The following PPIL3 variants were observed in gnomAD, a reference collection of about 807,000 sequenced individuals.
The protein encoded by PPIL3 is peptidyl-prolyl cis-trans isomerase-like 3.
Under a neutral mutation model 20.9 loss-of-function variants are expected in PPIL3, and 13 were observed. The observed-to-expected ratio is 0.62, with a 90% CI of 0.40 to 0.99. The LOEUF (loss-of-function observed/expected upper bound fraction) is 0.99, where lower values mean the gene tolerates loss of function less well. PPIL3 is among the 50% of genes least tolerant of loss of function. The probability of loss-of-function intolerance (pLI) is 0.00; values close to 1 mark genes in which losing one functional copy is unlikely to be tolerated. For missense variants in PPIL3, 170 were observed against 195.2 expected (o/e 0.87, Z 0.77); for synonymous variants, 71 against 64.4 (o/e 1.10, Z -0.49).
At chr2:200,887,294 G>A (rs965670128) in intron 2 of PPIL3, among the ~76,000 whole-genome samples, 1 of 149,500 alleles carries the variant, frequency 6.7e-6, no homozygotes, top group African/African-American at 2.5e-5. Flanking sequence ...GCTAAGGCAG[G>A]AGAATCGCTT....
At chr2:200,881,329 G>A in intron 5 of PPIL3, 92 bp downstream of exon 5, 1 of 910,948 alleles carries the variant, frequency 1.1e-6, no homozygotes, top group South Asian at 1.6e-5. Context: ...ATTTTGCAAT[G>A]ATGTTAACTT....
intron 3 of PPIL3, chr2:200,885,357 C>T (rs1327224685): frequency 1.7e-5 from 6 of 353,356 alleles, no homozygotes; most frequent in South Asian, 1.5e-4. Flanking sequence ...GGGGACACAG[C>T]GAGACTCCAT....
At position 200,871,022 on chromosome 2, in the gene PPIL3, T is replaced by C. The variant is rs2039287815; in HGVS notation, c.*373A>G. 6.3e-6 allele frequency: 1 copy of C among 157,542 alleles called. No individual in the cohort carries two copies. The highest frequency in any genetic ancestry group is 1.9e-4 in the South Asian group (1 of 5,250). 9.8% of individuals were successfully genotyped at this position (157,542 alleles called of 1,614,324 possible). On this transcript the variant is annotated 3_prime_UTR_variant, in exon 7 of 7. Coordinates refer to ENST00000392283, the MANE Select transcript of PPIL3 (RefSeq NM_130906.3). ...CCTACGATTTAATTCTTTAAAACTTTTTAAATTTTATTATAAAATAACACT... is the reference window on the plus strand; with the variant it reads ...CCTACGATTTAATTCTTTAAAACTTCTTAAATTTTATTATAAAATAACACT...
intron 5 of PPIL3, among the ~76,000 whole-genome samples, chr2:200,881,060 A>C (rs1387671863): frequency 6.6e-6 from 1 of 152,164 alleles, no homozygotes; most frequent in Non-Finnish European, 1.5e-5. Context: ...GCAACCAGGA[A>C]GTTTGATAGT....
chr2:200,874,014 G>T (rs769619745), intron 6 of PPIL3, among the ~76,000 whole-genome samples: 1 of 151,196 alleles, frequency 6.6e-6, no homozygotes, highest in African/African-American at 2.4e-5. Flanking sequence ...GACCATCCTG[G>T]CTAACATGGT....
intron 6 of PPIL3, among the ~76,000 whole-genome samples, chr2:200,873,985 C>G (rs2039411474): frequency 6.6e-6 from 1 of 151,484 alleles, no homozygotes; most frequent in African/African-American, 2.4e-5. Context: ...GCGGGCGGAT[C>G]ACGAGGTCGG....
chr2:200,874,192 G>C (rs1319049454), intron 6 of PPIL3, among the ~76,000 whole-genome samples: 2 of 137,940 alleles, frequency 1.4e-5, no homozygotes, highest in African/African-American at 2.8e-5. Flanking sequence ...GCGACAGAGT[G>C]AGACTCTGTC....
rs150825161 is a variant in PPIL3, at chr2:200,871,345, A to G, written c.*50T>C. 3.9e-3 allele frequency: 6,115 copies of G among 1,555,006 alleles called. 293 individuals carry two copies. The Admixed American group carries it at 0.093, about 24-fold the overall frequency. On this transcript the variant is annotated 3_prime_UTR_variant, in exon 7 of 7. Coordinates refer to ENST00000392283, the MANE Select transcript of PPIL3 (RefSeq NM_130906.3). The stretch of plus-strand genomic sequence containing the variant: ...CATAATTAAAACCGGGTAAACCACA[A>G]TAAGTGTGTTCCAGCAATTTGTCAA...
At chr2:200,880,271 A>G (rs2039675412) in intron 5 of PPIL3, among the ~76,000 whole-genome samples, 1 of 152,194 alleles carries the variant, frequency 6.6e-6, no homozygotes, top group Admixed American at 6.5e-5. Context: ...AAAAAAAGCA[A>G]AAAGAAAAGA....
At chr2:200,877,099 G>C in intron 5 of PPIL3, 62 bp from the exon 6 acceptor site, 3 of 1,087,692 alleles carry the variant, frequency 2.8e-6, no homozygotes, top group East Asian at 2.4e-5. Flanking sequence ...ATATAGTATT[G>C]AAACAAGACA....
intron 6 of PPIL3, among the ~76,000 whole-genome samples, chr2:200,873,249 A>G (rs1226859010): frequency 2.7e-5 from 4 of 148,598 alleles, no homozygotes; most frequent in Non-Finnish European, 4.4e-5. Context: ...GTTGGAGTGC[A>G]GTAGCACTAT....
Position 200,883,110 on chromosome 2 carries a change from T to C in PPIL3, c.79-675A>G, listed in dbSNP as rs544360368. 1.3e-4 allele frequency among the ~76,000 whole-genome samples: 19 copies of C among 145,846 alleles called. No homozygotes were observed. The East Asian group carries it at 3.8e-3, about 29-fold the overall frequency. On this transcript the variant is annotated intron_variant, in intron 3 of 6. Coordinates refer to ENST00000392283, the MANE Select transcript of PPIL3 (RefSeq NM_130906.3). ...ACCTGAGATTTCTATATCTGGAATG[T>C]TCTTTTTTTTTTTTTTTTTTTTTTG...
chr2:200,874,203 TCAA>T (rs2039429540), intron 6 of PPIL3, among the ~76,000 whole-genome samples: 1 of 107,922 alleles, frequency 9.3e-6, no homozygotes, highest in African/African-American at 3.9e-5. Flanking sequence ...AGACTCTGTC[TCAA>T]AAAAAAAAAA....
chr2:200,888,668 GGC>G (rs2040069331), intron 1 of PPIL3: 2 of 265,756 alleles, frequency 7.5e-6, no homozygotes, highest in Non-Finnish European at 7.6e-6. Flanking sequence ...TGGGACTACA[GGC>G]GCGCGCTACC....
In PPIL3 at chr2:200,879,080, T is replaced by C. The variant is rs1001894617; in HGVS notation, c.241-2043A>G. The stretch of plus-strand genomic sequence containing the variant: ...TGGGCCAGAATATATGAAGAGTCAA[T>C]ACATATCCACAATCTTGGTGTATAA... On this transcript the variant is annotated intron_variant, in intron 5 of 6. Coordinates refer to ENST00000392283, the MANE Select transcript of PPIL3 (RefSeq NM_130906.3). Among the ~76,000 whole-genome samples the C allele has an allele frequency of 3.3e-5, 5 of 152,224 alleles. No individual in the cohort carries two copies. In the South Asian group the frequency reaches 1.0e-3, roughly 32 times the overall value.
rs2039293645 is a variant in PPIL3 at position 200,871,256 on chromosome 2, T to A, written c.*139A>T. 1 of 850,274 alleles carries A rather than the reference T, an allele frequency of 1.2e-6. No homozygotes were observed. The highest frequency in any genetic ancestry group is 1.7e-6 in the Non-Finnish European group (1 of 577,254). 52.7% of individuals were successfully genotyped at this position (850,274 alleles called of 1,614,324 possible). On this transcript the variant is annotated 3_prime_UTR_variant, in exon 7 of 7. Coordinates refer to ENST00000392283, the MANE Select transcript of PPIL3 (RefSeq NM_130906.3). ...GGGGATAAAAGCTGTTGGGCGCCCC[T>A]TGGTACCACCATTTCATAGAAGATC...
chr2:200,878,937 C>T (rs1432356664), intron 5 of PPIL3, among the ~76,000 whole-genome samples: 1 of 152,102 alleles, frequency 6.6e-6, no homozygotes, highest in Non-Finnish European at 1.5e-5. Flanking sequence ...AATCAGTGGA[C>T]ATTTGGGTTG....
At chr2:200,872,387 G>A (rs1008052818) in intron 6 of PPIL3, among the ~76,000 whole-genome samples, 9 of 151,998 alleles carry the variant, frequency 5.9e-5, no homozygotes, top group Admixed American at 3.9e-4. Context: ...CTCAAACCCT[G>A]TTTAGGGTTT....
chr2:200,881,632 T>C, intron 4 of PPIL3, 144 bp from the exon 5 acceptor site: 1 of 614,662 alleles, frequency 1.6e-6, no homozygotes, highest in Non-Finnish European at 2.7e-6. Flanking sequence ...TCCCCAAATT[T>C]AACTTCACAG....
Sources: gnomAD v4.1 joint callset for allele counts (sites outside exome capture counted in the v4.1 genomes callset) on GRCh38, gnomAD v4.1.1 for gene constraint, MANE v1.5 for transcripts, NCBI Gene and HGNC (gene_info 2026-07-23, HGNC 2026-07-21) for gene names.